Variants in LMF1 observed in about 807,000 individuals in gnomAD.
LMF1 encodes the protein transmembrane protein 112.
Under a neutral mutation model 60.6 loss-of-function variants are expected in LMF1, and 68 were observed. That is an observed-to-expected ratio of 1.12 (90% CI 0.92 to 1.37). The LOEUF is 1.37. LMF1 is among the 40% of genes most tolerant of loss of function. The probability of loss-of-function intolerance (pLI) is 0.00; values close to 1 mark genes in which losing one functional copy is unlikely to be tolerated. For synonymous variants in LMF1, 418 were observed against 324.7 expected (o/e 1.29, Z -3.09); for missense variants, 948 against 767.2 (o/e 1.24, Z -2.78).
At chr16:947,834 A>C (rs2072278579) in intron 2 of LMF1, among the ~76,000 whole-genome samples, 2 of 150,932 alleles carry the variant, frequency 1.3e-5, no homozygotes, top group South Asian at 4.1e-4. Flanking sequence ...AGCCAATGAC[A>C]GAGTCAGCCA....
rs1372666671 is a variant in LMF1 at position 976,716 on chromosome 16, T to A, written c.-135+4429A>T. 3 of 453,828 alleles carry A rather than the reference T, an allele frequency of 6.6e-6. No individual in the cohort carries two copies. The Admixed American group carries it at 7.0e-5, about 11-fold the overall frequency. The allele number at this position is 453,828 out of a possible 1,614,324, so 28.1% of individuals were successfully genotyped here. A position where few individuals can be genotyped will look rare whatever the true frequency, so the allele number is the denominator to read the frequency against. On this transcript the variant is annotated intron_variant, in intron 1 of 6. Transcript: ENST00000570014. ...TTGGGGACCCGCTCCCAGCCTGGAG[T>A]GACGGACGCTGAGCAGCAGGAGCAC... is the stretch of plus-strand genomic sequence containing the variant.
chr16:967,102 C>T (rs1387926275), intron 1 of LMF1, among the ~76,000 whole-genome samples: 2 of 152,204 alleles, frequency 1.3e-5, no homozygotes, highest in Non-Finnish European at 2.9e-5. Context: ...CTACCACTGG[C>T]GCTGTAACAG....
intron 1 of LMF1, among the ~76,000 whole-genome samples, chr16:959,042 A>G (rs2072769141): frequency 6.6e-6 from 1 of 152,178 alleles, no homozygotes; most frequent in Non-Finnish European, 1.5e-5. Context: ...CAGATAATGA[A>G]GGGTTACCTT....
intron 3 of LMF1, among the ~76,000 whole-genome samples, chr16:918,900 C>G (rs1379234670): frequency 8.2e-6 from 1 of 121,810 alleles, no homozygotes; most frequent in Admixed American, 8.7e-5. Flanking sequence ...GACTCTCAGC[C>G]AGTCCTGGGG....
intron 3 of LMF1, among the ~76,000 whole-genome samples, chr16:912,739 A>G (rs2071156631): frequency 1.3e-5 from 2 of 152,102 alleles, no homozygotes; most frequent in Non-Finnish European, 2.9e-5. Flanking sequence ...CCTTGCGGAC[A>G]CCCTGGGAAG....
chr16:910,391 TGA>T, intron 4 of LMF1, among the ~76,000 whole-genome samples: 1 of 152,106 alleles, frequency 6.6e-6, no homozygotes, highest in East Asian at 1.9e-4. Context: ...CTGGTCGTCC[TGA>T]GAGACGTCAA....
chr16:869,995 A>G lies in LMF1; in HGVS notation c.1304T>C (p.Met435Thr), dbSNP rs917242405. The G allele has an allele frequency of 2.5e-6, 4 of 1,613,202 alleles. No individual in the cohort carries two copies. Among genetic ancestry groups the G allele is most frequent in the East Asian group, 2.2e-5 (1 of 44,878 alleles). The change falls in exon 9 of 11, where the codon ATG becomes ACG. Residue 435 changes from methionine (M) to threonine (T), a missense_variant. Met to Thr is a moderately conservative substitution (Grantham distance 81, BLOSUM62 -1). Coordinates refer to ENST00000262301, the MANE Select transcript of LMF1 (RefSeq NM_022773.4). ...GCACTTGAACTCGTAGTCCTCCCACATGGCATCGGGGGCGCTGGCGTTGGA... is the reference window on the plus strand; with the variant it reads ...GCACTTGAACTCGTAGTCCTCCCACGTGGCATCGGGGGCGCTGGCGTTGGA... The part of the protein sequence containing the change: ...ASSNASAPDA[M>T]WEDYEFKCKP...
upstream of LMF1, among the ~76,000 whole-genome samples, chr16:973,637 GCTAAA>G (rs1371633485): frequency 1.3e-5 from 2 of 152,330 alleles, no homozygotes; most frequent in South Asian, 4.1e-4. Context: ...ACTGTGAGGT[GCTAAA>G]CACCGAGTCG....
intron 4 of LMF1, chr16:898,896 A>G (rs2070733982): frequency 6.6e-6 from 1 of 152,246 alleles, no homozygotes; most frequent in Non-Finnish European, 1.5e-5. Flanking sequence ...ACTTCAATAG[A>G]AACCTTCGGC....
rs200532346 is a variant in LMF1, at chr16:860,344, GT to G, written c.1530-5639del. The stretch of plus-strand genomic sequence containing the variant: ...GATTTTCTTCTATTTTTTCCTGAAA[GT>G]TTTTTTTTTTTTGAGATGGGCTCTC... On this transcript the variant is annotated intron_variant, in intron 10 of 10. Transcript: ENST00000262301. 7.3e-3 allele frequency among the ~76,000 whole-genome samples: 1,063 copies of G among 144,906 alleles called. 5 individuals are homozygous for G. The highest frequency in any genetic ancestry group is 0.021 in the African/African-American group (838 of 39,674).
At chr16:943,083 G>C (rs914180498) in intron 2 of LMF1, among the ~76,000 whole-genome samples, 1 of 152,142 alleles carries the variant, frequency 6.6e-6, no homozygotes, top group Non-Finnish European at 1.5e-5. Flanking sequence ...TAAAGATTCA[G>C]AGTCTCGGCC....
chr16:954,861 C>G (rs2072632567), intron 1 of LMF1, among the ~76,000 whole-genome samples, 195 bp from the exon 2 acceptor site: 1 of 152,222 alleles, frequency 6.6e-6, no homozygotes, highest in Non-Finnish European at 1.5e-5. Context: ...AAAAGCCAAC[C>G]TGCAGCAGAC....
At chr16:859,936 G>A (rs1463851043) in intron 10 of LMF1, among the ~76,000 whole-genome samples, 4 of 138,278 alleles carry the variant, frequency 2.9e-5, no homozygotes, top group Non-Finnish European at 5.9e-5. Context: ...GGTGTGAGTG[G>A]TGTCACGGGA....
intron 2 of LMF1, among the ~76,000 whole-genome samples, chr16:951,968 T>C (rs1454507132): frequency 6.6e-6 from 1 of 152,174 alleles, no homozygotes; most frequent in African/African-American, 2.4e-5. Flanking sequence ...GCATTGCACG[T>C]GGCCCCAGGC....
At chr16:918,607 T>G (rs1374830288) in intron 3 of LMF1, among the ~76,000 whole-genome samples, 2 of 152,018 alleles carry the variant, frequency 1.3e-5, no homozygotes, top group East Asian at 3.9e-4. Flanking sequence ...CCCAGAAAAG[T>G]GCTGGCCATC....
At chr16:896,884 T>C (rs987429780) in intron 4 of LMF1, among the ~76,000 whole-genome samples, 2 of 152,228 alleles carry the variant, frequency 1.3e-5, no homozygotes, top group African/African-American at 4.8e-5. Flanking sequence ...CTCCCATCTA[T>C]TGATTTCTCT....
At chr16:909,901 G>A (rs550673412) in intron 4 of LMF1, among the ~76,000 whole-genome samples, 3 of 152,406 alleles carry the variant, frequency 2.0e-5, no homozygotes, top group South Asian at 2.1e-4. Context: ...TGGCGTGAGC[G>A]CGCTGTCGGG....
chr16:927,194 C>T (rs754251839), intron 3 of LMF1, among the ~76,000 whole-genome samples: 55 of 152,334 alleles, frequency 3.6e-4, no homozygotes, highest in African/African-American at 7.0e-4. Flanking sequence ...GGAAATGGCC[C>T]GTGGAGATGG....
intron 1 of LMF1, chr16:976,486 C>G (rs182761042): frequency 2.2e-6 from 1 of 454,118 alleles, no homozygotes; most frequent in South Asian, 1.6e-5. Flanking sequence ...GGGCCTCCCT[C>G]GACGGAAGGT....
Sources: gnomAD v4.1 joint callset for allele counts (sites outside exome capture counted in the v4.1 genomes callset) on GRCh38, gnomAD v4.1.1 for gene constraint, MANE v1.5 for transcripts, NCBI Gene and HGNC (gene_info 2026-07-23, HGNC 2026-07-21) for gene names.